The following RASSF9 variants were observed in gnomAD, a reference collection of about 807,000 sequenced individuals.
The protein encoded by RASSF9 is ras association domain-containing protein 9.
A neutral mutation model predicts 21.4 loss-of-function variants in RASSF9; 18 were observed. The observed-to-expected ratio is 0.84, with a 90% CI of 0.58 to 1.25. RASSF9 has a LOEUF of 1.25. Among genes scored for constraint, RASSF9 ranks in the 50% most tolerant of loss-of-function variants. The pLI is 0.00. For missense variants in RASSF9, 480 were observed against 503.2 expected, an observed-to-expected ratio of 0.95 and a Z score of 0.44; for synonymous variants, 183 against 179.1, an observed-to-expected ratio of 1.02 and a Z score of -0.18.
chr12:85,818,864 C>G (rs542172168), intron 1 of RASSF9, among the ~76,000 whole-genome samples: 1 of 145,592 alleles, frequency 6.9e-6, no homozygotes, highest in South Asian at 2.1e-4. Context: ...GAGGCAGAGG[C>G]AGGAGAATGG....
intron 1 of RASSF9, among the ~76,000 whole-genome samples, chr12:85,822,939 G>T (rs1385948105): frequency 1.3e-5 from 2 of 152,006 alleles, no homozygotes; most frequent in Non-Finnish European, 2.9e-5. Flanking sequence ...GGTGGCTCAC[G>T]CCTGTAATCC....
At chr12:85,829,160 C>T (rs1360776513) in intron 1 of RASSF9, among the ~76,000 whole-genome samples, 1 of 152,014 alleles carries the variant, frequency 6.6e-6, no homozygotes, top group East Asian at 1.9e-4. Context: ...ACAAAATGTC[C>T]CAACCATTGG....
At chr12:85,814,190 C>A (rs750545942) in intron 1 of RASSF9, among the ~76,000 whole-genome samples, 1 of 151,986 alleles carries the variant, frequency 6.6e-6, no homozygotes, top group Non-Finnish European at 1.5e-5. Flanking sequence ...TCTTTGTTTC[C>A]TTCTTATTAC....
intron 1 of RASSF9, among the ~76,000 whole-genome samples, chr12:85,820,162 C>A (rs1408452088): frequency 6.6e-6 from 1 of 152,098 alleles, no homozygotes; most frequent in Non-Finnish European, 1.5e-5. Flanking sequence ...AGGAAAATAA[C>A]CAGCTTAGAC....
chr12:85,806,446 G>C (rs1879837000), intron 1 of RASSF9, among the ~76,000 whole-genome samples: 1 of 150,082 alleles, frequency 6.7e-6, no homozygotes, highest in Non-Finnish European at 1.5e-5. Flanking sequence ...GCCGAGGCGG[G>C]TGGATCACCT....
At chr12:85,809,427 G>A (rs577561934) in intron 1 of RASSF9, among the ~76,000 whole-genome samples, 2 of 151,924 alleles carry the variant, frequency 1.3e-5, no homozygotes, top group Non-Finnish European at 2.9e-5. Context: ...TCTCTTCTGT[G>A]CCTTTTTAAT....
intron 1 of RASSF9, among the ~76,000 whole-genome samples, chr12:85,827,504 C>T (rs1880359154): frequency 6.6e-6 from 1 of 152,178 alleles, no homozygotes; most frequent in Admixed American, 6.5e-5. Context: ...CTATAATTCC[C>T]CTGGTTAACA....
At position 85,804,957 on chromosome 12, in the gene RASSF9, CT is replaced by C; in HGVS notation, c.1052del (p.Gln351ArgfsTer2). ...KEIKYSDSLL[Q>X]MKAKEYELLA... ...GGAGTTCATATTCTTTTGCTTTCAT[CT>C]GAAGCAATGAGTCACTGTATTTAAT... On this transcript the variant is annotated frameshift_variant, in exon 2 of 2. Transcript: ENST00000361228. LOFTEE classifies it high-confidence loss of function. The C allele has an allele frequency of 1.2e-6, 2 of 1,613,866 alleles. No individual in the cohort carries two copies. The highest frequency in any genetic ancestry group is 1.7e-6 in the Non-Finnish European group (2 of 1,179,802).
At chr12:85,807,000 A>G (rs1592526777) in intron 1 of RASSF9, among the ~76,000 whole-genome samples, 1 of 152,226 alleles carries the variant, frequency 6.6e-6, no homozygotes, top group East Asian at 1.9e-4. Context: ...ATGAATATGT[A>G]ACTAATGTAA....
chr12:85,819,863 T>C (rs1410543139), intron 1 of RASSF9, among the ~76,000 whole-genome samples: 1 of 152,246 alleles, frequency 6.6e-6, no homozygotes, highest in African/African-American at 2.4e-5. Context: ...TAGTACCTTG[T>C]CTAGATATTT....
intron 1 of RASSF9, among the ~76,000 whole-genome samples, chr12:85,826,982 A>C (rs1215869744): frequency 1.3e-5 from 2 of 151,894 alleles, no homozygotes; most frequent in Non-Finnish European, 1.5e-5. Context: ...CTTTTTCCCA[A>C]CTTTTTATAT....
intron 1 of RASSF9, among the ~76,000 whole-genome samples, chr12:85,814,122 A>G (rs1222917899): frequency 1.3e-5 from 2 of 152,078 alleles, no homozygotes; most frequent in African/African-American, 2.4e-5. Context: ...AGATTGAAGC[A>G]TAAGGCCTGT....
chr12:85,800,757 A>G lies in RASSF9; in HGVS notation c.*3945T>C, dbSNP rs568512969. 1.9e-4 allele frequency: 29 copies of G among 152,104 alleles called. 1 individual carries two copies. Among genetic ancestry groups the G allele is most frequent in the African/African-American group, 6.3e-4 (26 of 41,550 alleles). 9.4% of individuals were successfully genotyped at this position (152,104 alleles called of 1,614,324 possible). ...GGATCAGTTACAACATGATAAAATG[A>G]TATATACTTAATATTTGTCACATCA... On this transcript the variant is annotated 3_prime_UTR_variant, in exon 2 of 2. Transcript: ENST00000361228.
chr12:85,804,897 G>T lies in RASSF9; in HGVS notation c.1113C>A (p.Asn371Lys). The change falls in exon 2 of 2, where the codon AAC becomes AAA. Residue 371 changes from asparagine (N) to lysine (K), a missense_variant. Coordinates refer to ENST00000361228, the MANE Select transcript of RASSF9 (RefSeq NM_005447.4). ...TTTCCTTTAACTGGCACCCATCTTT[G>T]TTGCTAATGTGAAGTGAATTGAATT... ...AKEFNSLHIS[N>K]KDGCQLKENR... 2 of 1,613,754 alleles carry T rather than the reference G, an allele frequency of 1.2e-6. No homozygotes were observed. The highest frequency in any genetic ancestry group is 4.5e-5 in the East Asian group (2 of 44,852).
At chr12:85,816,806 T>A (rs1264039211) in intron 1 of RASSF9, among the ~76,000 whole-genome samples, 1 of 152,162 alleles carries the variant, frequency 6.6e-6, no homozygotes, top group African/African-American at 2.4e-5. Context: ...AAGCCAGTTA[T>A]GAAAATCCTT....
rs763344937 is a variant in RASSF9 at position 85,804,665 on chromosome 12, T to C, written c.*37A>G. On this transcript the variant is annotated 3_prime_UTR_variant, in exon 2 of 2. Transcript: ENST00000361228. ...GTTTCCTATTAAATTAAACAAACATTAAAACATGAAAGCAGGTCAGAAAGG... is the reference window on the plus strand; with the variant it reads ...GTTTCCTATTAAATTAAACAAACATCAAAACATGAAAGCAGGTCAGAAAGG... 25 of 1,492,888 alleles carry C rather than the reference T, an allele frequency of 1.7e-5. No homozygotes were observed. Among genetic ancestry groups the C allele is most frequent in the African/African-American group, 1.4e-5 (1 of 71,352 alleles). The allele number at this position is 1,492,888 out of a possible 1,614,324, so 92.5% of individuals were successfully genotyped here. A position where few individuals can be genotyped will look rare whatever the true frequency, so the allele number is the denominator to read the frequency against.
At chr12:85,816,369 T>C (rs552981114) in intron 1 of RASSF9, among the ~76,000 whole-genome samples, 1 of 151,978 alleles carries the variant, frequency 6.6e-6, no homozygotes, top group South Asian at 2.1e-4. Context: ...TTGGCTAAGC[T>C]AAGATAATGT....
Position 85,800,969 on chromosome 12 carries a change from A to C in RASSF9, c.*3733T>G, listed in dbSNP as rs960401812. 6.6e-6 allele frequency: 1 copy of C among 151,952 alleles called. No individual in the cohort carries two copies. Among genetic ancestry groups the C allele is most frequent in the Non-Finnish European group, 1.5e-5 (1 of 67,958 alleles). The allele number at this position is 151,952 out of a possible 1,614,324, so 9.4% of individuals were successfully genotyped here. The stretch of plus-strand genomic sequence containing the variant: ...GTCATGTACAGTAGATATTTAAATA[A>C]ATATAAAAATAAAATTTTAATGGAT... On this transcript the variant is annotated 3_prime_UTR_variant, in exon 2 of 2. Coordinates refer to ENST00000361228, the MANE Select transcript of RASSF9 (RefSeq NM_005447.4).
chr12:85,835,460 G>T (rs1880538628), intron 1 of RASSF9, among the ~76,000 whole-genome samples: 1 of 152,088 alleles, frequency 6.6e-6, no homozygotes, highest in Non-Finnish European at 1.5e-5. Flanking sequence ...GGCATTTCAA[G>T]CTTGAAATAT....
Sources: allele counts gnomAD v4.1 joint callset (sites outside exome capture counted in the v4.1 genomes callset), GRCh38; gene constraint gnomAD v4.1.1; transcripts MANE v1.5; gene names NCBI Gene and HGNC (gene_info 2026-07-23, HGNC 2026-07-21).